CDIN1: variants seen among roughly 807,000 people sequenced by gnomAD.
CDIN1 encodes the protein CDAN1-interacting nuclease 1.
CDIN1 carries 33 observed loss-of-function variants against 45.3 expected under a neutral mutation model. The ratio of observed to expected loss-of-function variants is 0.73; its 90% CI spans 0.55 to 0.97. The LOEUF (loss-of-function observed/expected upper bound fraction) is 0.97, where lower values mean the gene tolerates loss of function less well. CDIN1 is among the 50% of genes least tolerant of loss of function. The probability of loss-of-function intolerance (pLI) is 0.00; values close to 1 mark genes in which losing one functional copy is unlikely to be tolerated. For synonymous variants in CDIN1, 118 were observed against 124.4 expected, an observed-to-expected ratio of 0.95 and a Z score of 0.34; for missense variants, 303 against 339.4, an observed-to-expected ratio of 0.89 and a Z score of 0.84.
rs736495 is a variant in CDIN1 at position 36,769,145 on chromosome 15, G to A, written c.717-39179G>A. On this transcript the variant is annotated intron_variant, in intron 10 of 10. Coordinates refer to ENST00000566621, the MANE Select transcript of CDIN1 (RefSeq NM_001321759.2). ...AACATTGAATATGCCTTTGGTTAGC[G>A]CATTACATTTATTACCCCAGAGGTA... Among the ~76,000 whole-genome samples the A allele has an allele frequency of 6.6e-3, 1,009 of 152,284 alleles. 10 individuals are homozygous for A. The highest frequency in any genetic ancestry group is 0.021 in the African/African-American group (860 of 41,554).
chr15:36,797,381 C>CTGAT (rs1201854402), intron 10 of CDIN1, among the ~76,000 whole-genome samples: 1 of 152,154 alleles, frequency 6.6e-6, no homozygotes, highest in Non-Finnish European at 1.5e-5. Flanking sequence ...CCTACCTAAA[C>CTGAT]TGATTGTATT....
intron 1 of CDIN1, among the ~76,000 whole-genome samples, chr15:36,588,243 C>A (rs1359490953): frequency 7.8e-6 from 1 of 128,590 alleles, no homozygotes; most frequent in East Asian, 2.4e-4. Flanking sequence ...TTAAAAAAAC[C>A]TTTTAAACCT....
chr15:36,724,895 T>C (rs16963938), intron 10 of CDIN1, among the ~76,000 whole-genome samples: 19,234 of 152,116 alleles, frequency 0.13, 1,352 homozygotes, highest in East Asian at 0.29. Flanking sequence ...CCATGAGTTA[T>C]GTGGGTTTAG....
chr15:36,718,420 A>C (rs1267840129), intron 10 of CDIN1, among the ~76,000 whole-genome samples: 1 of 152,146 alleles, frequency 6.6e-6, no homozygotes, highest in African/African-American at 2.4e-5. Flanking sequence ...TTGGGATTAC[A>C]TTGAATTTAC....
chr15:36,632,909 G>A (rs1446304360), intron 1 of CDIN1, among the ~76,000 whole-genome samples: 1 of 152,296 alleles, frequency 6.6e-6, no homozygotes, highest in Non-Finnish European at 1.5e-5. Flanking sequence ...TGTCACACAA[G>A]CCTCTTATTC....
intron 10 of CDIN1, among the ~76,000 whole-genome samples, chr15:36,788,729 T>G (rs1026652257): frequency 1.3e-5 from 2 of 152,312 alleles, no homozygotes; most frequent in African/African-American, 4.8e-5. Context: ...ATTATCATTT[T>G]TTTTATTTCT....
At chr15:36,590,089 G>A (rs2054016) in intron 1 of CDIN1, among the ~76,000 whole-genome samples, 120,637 of 152,098 alleles carry the variant, frequency 0.79, 48,260 homozygotes, top group East Asian at 0.95. Context: ...CAGTGACATG[G>A]CTTGTCACTT....
At chr15:36,715,051 A>G (rs1595509460) in intron 10 of CDIN1, among the ~76,000 whole-genome samples, 3 of 152,192 alleles carry the variant, frequency 2.0e-5, no homozygotes, top group Admixed American at 6.5e-5. Context: ...TTGGCTCTAA[A>G]GGACAGTATT....
intron 10 of CDIN1, among the ~76,000 whole-genome samples, chr15:36,747,541 G>T (rs1324983126): frequency 6.6e-6 from 1 of 151,964 alleles, no homozygotes; most frequent in East Asian, 1.9e-4. Flanking sequence ...AAAAATCACA[G>T]ACTTAGTCTT....
rs1566920919 is a variant in CDIN1, at chr15:36,709,848, T to A, written c.611-8T>A. The stretch of plus-strand genomic sequence containing the variant: ...TTCTCCGTATATTAGTAATGCTTTG[T>A]CCCTTAGCTGTAGAAGGGCACATAA... On this transcript the variant is annotated splice_polypyrimidine_tract_variant and splice_region_variant and intron_variant, in intron 9 of 10. Coordinates refer to ENST00000566621, the MANE Select transcript of CDIN1 (RefSeq NM_001321759.2). The A allele has an allele frequency of 6.2e-7, 1 of 1,607,990 alleles. No individual in the cohort carries two copies. The highest frequency in any genetic ancestry group is 8.5e-7 in the Non-Finnish European group (1 of 1,174,582).
intron 1 of CDIN1, among the ~76,000 whole-genome samples, chr15:36,585,004 A>G (rs989572400): frequency 1.3e-5 from 2 of 152,212 alleles, no homozygotes; most frequent in Non-Finnish European, 2.9e-5. Flanking sequence ...ATATTTATTG[A>G]TTGACATTTT....
At chr15:36,691,820 TA>T in intron 6 of CDIN1, 56 bp downstream of exon 6, 2 of 1,302,292 alleles carry the variant, frequency 1.5e-6, no homozygotes, top group Non-Finnish European at 2.2e-6. Context: ...CCTAGCAGAG[TA>T]AAGGATTTTA....
chr15:36,684,830 T>G lies in CDIN1; in HGVS notation c.347-6855T>G, dbSNP rs1248894376. 4.6e-3 allele frequency among the ~76,000 whole-genome samples: 694 copies of G among 150,868 alleles called. 8 individuals carry two copies. Among genetic ancestry groups the G allele is most frequent in the African/African-American group, 0.016 (665 of 41,128 alleles). ...TGGGAGAGTGTATGTGTCGAGGAAT[T>G]TATCCATTTCTTCTAGATTTTCTAG... is the stretch of plus-strand genomic sequence containing the variant. On this transcript the variant is annotated intron_variant, in intron 5 of 10. Coordinates refer to ENST00000566621, the MANE Select transcript of CDIN1 (RefSeq NM_001321759.2).
At chr15:36,616,652 C>T (rs1475407209) in intron 1 of CDIN1, among the ~76,000 whole-genome samples, 4 of 152,138 alleles carry the variant, frequency 2.6e-5, no homozygotes, top group African/African-American at 4.8e-5. Flanking sequence ...CAGTGGCTCA[C>T]ACCTATAATC....
intron 10 of CDIN1, among the ~76,000 whole-genome samples, chr15:36,779,128 A>G (rs1051845799): frequency 6.6e-6 from 1 of 152,236 alleles, no homozygotes; most frequent in Admixed American, 6.5e-5. Context: ...CATGTGTGCT[A>G]TGTGGCTGTA....
rs541594857 is a variant in CDIN1, at chr15:36,800,815, A to T, written c.717-7509A>T. ...TAGCACAGACCCCACACAGCAACTC[A>T]TAATAAGAGAAAAAGAAATATATAT... is the stretch of plus-strand genomic sequence containing the variant. On this transcript the variant is annotated intron_variant, in intron 10 of 10. Transcript: ENST00000566621. Among the ~76,000 whole-genome samples the T allele has an allele frequency of 4.7e-5, 7 of 149,222 alleles. No homozygotes were observed. In the South Asian group the frequency reaches 8.7e-4, roughly 19 times the overall value.
At chr15:36,594,044 TTTTAA>T (rs1595716596) in intron 1 of CDIN1, among the ~76,000 whole-genome samples, 2 of 152,220 alleles carry the variant, frequency 1.3e-5, no homozygotes, top group South Asian at 2.1e-4. Context: ...CAAAGTTTTC[TTTTAA>T]TTTATCTTAT....
rs767040522 is a variant in CDIN1 at position 36,579,822 on chromosome 15, T to C, written c.-39T>C. ...AAGGCTACTTGAGCCCCAGGGTGTTTTTTCCTTGTTCCCGCCACCTCCTGG... is the reference window on the plus strand; with the variant it reads ...AAGGCTACTTGAGCCCCAGGGTGTTCTTTCCTTGTTCCCGCCACCTCCTGG... On this transcript the variant is annotated 5_prime_UTR_variant, in exon 1 of 11. Transcript: ENST00000566621. The C allele has an allele frequency of 6.4e-7, 1 of 1,564,330 alleles. No individual in the cohort carries two copies. Among genetic ancestry groups the C allele is most frequent in the Non-Finnish European group, 8.7e-7 (1 of 1,147,508 alleles).
At chr15:36,644,429 G>A in intron 2 of CDIN1, 106 bp downstream of exon 2, 1 of 1,224,070 alleles carries the variant, frequency 8.2e-7, no homozygotes, top group Non-Finnish European at 1.2e-6. Flanking sequence ...TGGGTTGGAG[G>A]ATGTTCTCCT....
Sources: allele counts gnomAD v4.1 joint callset (sites outside exome capture counted in the v4.1 genomes callset), GRCh38; gene constraint gnomAD v4.1.1; transcripts MANE v1.5; gene names NCBI Gene and HGNC (gene_info 2026-07-23, HGNC 2026-07-21).